CPA6: variants seen among roughly 807,000 people sequenced by gnomAD.
CPA6 encodes carboxypeptidase B.
CPA6 carries 58 observed loss-of-function variants against 63.3 expected under a neutral mutation model. The observed-to-expected ratio is 0.92, with a 90% CI of 0.74 to 1.14. The LOEUF is 1.14. Ranked by LOEUF, CPA6 falls within the 50% of genes most tolerant of loss-of-function variation. CPA6 has a pLI of 0.00. For missense variants in CPA6, 565 were observed against 526.6 expected (o/e 1.07, Z -0.71); for synonymous variants, 185 against 179.0 (o/e 1.03, Z -0.27).
At chr8:67,743,691 T>C (rs932622194) in intron 1 of CPA6, among the ~76,000 whole-genome samples, 5 of 152,106 alleles carry the variant, frequency 3.3e-5, no homozygotes, top group African/African-American at 9.7e-5. Flanking sequence ...ATTACACACT[T>C]GGCACTATCC....
At chr8:67,569,560 A>T in intron 2 of CPA6, 1 of 468,416 alleles carries the variant, frequency 2.1e-6, no homozygotes, top group Non-Finnish European at 4.4e-6. Context: ...GGCAACGACC[A>T]CACAACAAGC....
At chr8:67,666,027 T>C (rs536761470) in intron 1 of CPA6, among the ~76,000 whole-genome samples, 2 of 152,360 alleles carry the variant, frequency 1.3e-5, no homozygotes, top group South Asian at 4.1e-4. Flanking sequence ...ATTCCAGTTT[T>C]ATCATTTGCA....
chr8:67,555,491 C>T (rs894486518), intron 2 of CPA6, among the ~76,000 whole-genome samples: 7 of 152,214 alleles, frequency 4.6e-5, no homozygotes, highest in African/African-American at 1.7e-4. Context: ...GTACCTTGCC[C>T]TATGCATCTC....
At chr8:67,703,556 C>T (rs980116098) in intron 1 of CPA6, among the ~76,000 whole-genome samples, 14 of 152,232 alleles carry the variant, frequency 9.2e-5, no homozygotes, top group African/African-American at 2.4e-4. Flanking sequence ...TTCTTCTTTG[C>T]TTTTACTTTG....
At position 67,717,680 on chromosome 8, in the gene CPA6, C is replaced by G. The variant is rs922349843; in HGVS notation, c.116+28334G>C. Among the ~76,000 whole-genome samples, 11 of 152,270 alleles carry G rather than the reference C, an allele frequency of 7.2e-5. 1 individual carries two copies. Among genetic ancestry groups the G allele is most frequent in the East Asian group, 5.8e-4 (3 of 5,178 alleles). On this transcript the variant is annotated intron_variant, in intron 1 of 10. Coordinates refer to ENST00000297770, the MANE Select transcript of CPA6 (RefSeq NM_020361.5). ...ATATCCCTGGGACCTGTGAATATTA[C>G]CTTATGTGGCAAAAGAGAGAACACT...
chr8:67,595,944 A>G (rs1285790496), intron 2 of CPA6, among the ~76,000 whole-genome samples: 1 of 152,162 alleles, frequency 6.6e-6, no homozygotes, highest in African/African-American at 2.4e-5. Flanking sequence ...AGTACCTCAG[A>G]TGGAAATGCA....
intron 2 of CPA6, among the ~76,000 whole-genome samples, chr8:67,548,398 C>T (rs1254300662): frequency 2.6e-5 from 4 of 151,588 alleles, no homozygotes; most frequent in East Asian, 1.9e-4. Flanking sequence ...ACTACAGACA[C>T]GTGCCACCAT....
intron 1 of CPA6, among the ~76,000 whole-genome samples, chr8:67,690,672 A>G (rs1816797232): frequency 6.6e-6 from 1 of 151,938 alleles, no homozygotes; most frequent in African/African-American, 2.4e-5. Context: ...AAATATTAGA[A>G]AAGAATATTA....
At chr8:67,434,972 C>A (rs1810116118) in intron 8 of CPA6, among the ~76,000 whole-genome samples, 1 of 152,242 alleles carries the variant, frequency 6.6e-6, no homozygotes, top group South Asian at 2.1e-4. Flanking sequence ...GACCCAGAGC[C>A]TGTGCTGAGG....
At chr8:67,582,015 G>A (rs1365794612) in intron 2 of CPA6, among the ~76,000 whole-genome samples, 1 of 152,108 alleles carries the variant, frequency 6.6e-6, no homozygotes, top group Non-Finnish European at 1.5e-5. Flanking sequence ...GAAGGAGCAG[G>A]AGAAAAATTA....
intron 1 of CPA6, among the ~76,000 whole-genome samples, chr8:67,658,224 A>T (rs543970369): frequency 1.2e-4 from 18 of 152,144 alleles, no homozygotes; most frequent in Non-Finnish European, 2.5e-4. Context: ...GAGGTTTGCC[A>T]CTGCTTTGTG....
chr8:67,730,651 T>C (rs922487522), intron 1 of CPA6, among the ~76,000 whole-genome samples: 1 of 152,172 alleles, frequency 6.6e-6, no homozygotes, highest in Non-Finnish European at 1.5e-5. Flanking sequence ...CCATCACCTG[T>C]CATCTCATTA....
chr8:67,432,420 C>T (rs1363478195), intron 9 of CPA6, among the ~76,000 whole-genome samples: 5 of 152,026 alleles, frequency 3.3e-5, no homozygotes, highest in Non-Finnish European at 5.9e-5. Flanking sequence ...CATACATTGC[C>T]GTATGCTTCT....
intron 8 of CPA6, among the ~76,000 whole-genome samples, chr8:67,444,448 A>G (rs917801150): frequency 2.0e-5 from 3 of 152,112 alleles, no homozygotes; most frequent in Non-Finnish European, 4.4e-5. Flanking sequence ...CCAAGGAAAT[A>G]CTAGGCTAGA....
chr8:67,630,959 C>T (rs755654806), intron 1 of CPA6, among the ~76,000 whole-genome samples: 1 of 152,338 alleles, frequency 6.6e-6, no homozygotes, highest in South Asian at 2.1e-4. Context: ...GCTGCCTCCC[C>T]GAGGGGCAGG....
At chr8:67,477,569 T>C (rs1468473051) in intron 8 of CPA6, among the ~76,000 whole-genome samples, 4 of 152,192 alleles carry the variant, frequency 2.6e-5, no homozygotes, top group Non-Finnish European at 5.9e-5. Context: ...CTTTGCAATA[T>C]AGAAGGGGCT....
chr8:67,698,140 T>A (rs890704561), intron 1 of CPA6, among the ~76,000 whole-genome samples: 1 of 152,210 alleles, frequency 6.6e-6, no homozygotes. Context: ...ATTATATAAT[T>A]ATTTGGCTAG....
intron 1 of CPA6, among the ~76,000 whole-genome samples, chr8:67,674,704 A>G (rs1318897913): frequency 6.6e-6 from 1 of 152,178 alleles, no homozygotes; most frequent in African/African-American, 2.4e-5. Flanking sequence ...TCATTATGCC[A>G]AAAAGACACA....
At chr8:67,689,563 A>G (rs1397519120) in intron 1 of CPA6, among the ~76,000 whole-genome samples, 1 of 152,160 alleles carries the variant, frequency 6.6e-6, no homozygotes, top group Non-Finnish European at 1.5e-5. Flanking sequence ...GTTTAGGATA[A>G]TCACCTCCAG....
Sources: allele counts gnomAD v4.1 joint callset (sites outside exome capture counted in the v4.1 genomes callset), GRCh38; gene constraint gnomAD v4.1.1; transcripts MANE v1.5; gene names NCBI Gene and HGNC (gene_info 2026-07-23, HGNC 2026-07-21).